The following MBTPS1 variants were observed in gnomAD, a reference collection of about 807,000 sequenced individuals.
MBTPS1 encodes membrane bound transcription factor peptidase, site 1, also known as membrane-bound transcription factor site-1 protease.
A neutral mutation model predicts 127.8 loss-of-function variants in MBTPS1; 94 were observed. The observed-to-expected ratio is 0.74, with a 90% CI of 0.62 to 0.87. The LOEUF is 0.87. Among genes scored for constraint, MBTPS1 ranks in the 40% least tolerant of loss-of-function variants. The pLI, the probability that MBTPS1 is intolerant of heterozygous loss-of-function variation, is 0.00. For missense variants in MBTPS1, 1,636 were observed against 1,353.2 expected (o/e 1.21, Z -3.28); for synonymous variants, 632 against 509.4 (o/e 1.24, Z -3.24).
At position 84,091,851 on chromosome 16, in the gene MBTPS1, A is replaced by C; in HGVS notation, c.847-3T>G. 6.6e-7 allele frequency: 1 copy of C among 1,512,202 alleles called. No individual in the cohort carries two copies. The highest frequency in any genetic ancestry group is 1.1e-5 in the South Asian group (1 of 88,984). The allele number at this position is 1,512,202 out of a possible 1,614,324, so 93.7% of individuals were successfully genotyped here. On this transcript the variant is annotated splice_region_variant and splice_polypyrimidine_tract_variant and intron_variant, in intron 6 of 22. Coordinates refer to ENST00000343411, the MANE Select transcript of MBTPS1 (RefSeq NM_003791.4). ...AAAAACCAAGATGTGTAAGATACCT[A>C]GTTAAATATTATAACAGTCTGCTTA...
At chr16:84,076,355 A>G (rs1385493972) in intron 11 of MBTPS1, among the ~76,000 whole-genome samples, 1 of 152,176 alleles carries the variant, frequency 6.6e-6, no homozygotes, top group Non-Finnish European at 1.5e-5. Flanking sequence ...GGAGAAATAC[A>G]AGAGGCATTT....
At chr16:84,114,068 G>A (rs986650850) in intron 1 of MBTPS1, among the ~76,000 whole-genome samples, 6 of 151,256 alleles carry the variant, frequency 4.0e-5, no homozygotes, top group Non-Finnish European at 7.4e-5. Context: ...GGGTTCAAGC[G>A]ATTCTCCTGC....
chr16:84,081,752 C>A lies in MBTPS1; in HGVS notation c.1443G>T (p.Gln481His). 1 of 1,392,060 alleles carries A rather than the reference C, an allele frequency of 7.2e-7. No homozygotes were observed. Among genetic ancestry groups the A allele is most frequent in the Non-Finnish European group, 9.4e-7 (1 of 1,061,610 alleles). 86.2% of individuals were successfully genotyped at this position (1,392,060 alleles called of 1,614,324 possible). A position where few individuals can be genotyped will look rare whatever the true frequency, so the allele number is the denominator to read the frequency against. Residue 481 changes from glutamine (Q) to histidine (H), a missense_variant, in exon 11 of 23, where the codon CAG becomes CAT. Coordinates refer to ENST00000343411, the MANE Select transcript of MBTPS1 (RefSeq NM_003791.4). Reference sequence around the variant, plus strand: ...CGGCAGGGCGGTGCACTGACCTTGCCTGTGGCTTGTAGCTGTTGAGGATCT... The same window carrying A: ...CGGCAGGGCGGTGCACTGACCTTGCATGTGGCTTGTAGCTGTTGAGGATCT... The part of the protein sequence containing the change: ...AYQILNSYKP[Q>H]ASLSPSYIDL...
chr16:84,069,622 G>C lies in MBTPS1; in HGVS notation c.1955+244C>G, dbSNP rs533380283. ...GTAAGACTGACAGCTTTGCTGACTG[G>C]CGCAATGGGAGAAGGAAGGAAAAGA... On this transcript the variant is annotated intron_variant, in intron 14 of 22. Coordinates refer to ENST00000343411, the MANE Select transcript of MBTPS1 (RefSeq NM_003791.4). Among the ~76,000 whole-genome samples the C allele has an allele frequency of 3.9e-5, 6 of 152,336 alleles. No homozygotes were observed. In the East Asian group the frequency reaches 5.8e-4, roughly 15 times the overall value.
chr16:84,094,440 C>T (rs1465888821), intron 4 of MBTPS1, among the ~76,000 whole-genome samples: 1 of 152,144 alleles, frequency 6.6e-6, no homozygotes, highest in Non-Finnish European at 1.5e-5. Flanking sequence ...TAAGTCTATT[C>T]CAGATACTGG....
chr16:84,055,957 C>G, intron 22 of MBTPS1, 48 bp downstream of exon 22: 1 of 1,585,508 alleles, frequency 6.3e-7, no homozygotes, highest in Non-Finnish European at 8.6e-7. Flanking sequence ...CTCCTTTGAA[C>G]AAAATACAGG....
chr16:84,077,348 T>C (rs1048555086), intron 11 of MBTPS1, among the ~76,000 whole-genome samples: 4 of 150,876 alleles, frequency 2.7e-5, no homozygotes, highest in African/African-American at 9.8e-5. Flanking sequence ...TATTAAAACA[T>C]GCTATAAAGT....
chr16:84,116,230 A>C (rs759419249), intron 1 of MBTPS1, among the ~76,000 whole-genome samples: 5 of 152,258 alleles, frequency 3.3e-5, no homozygotes, highest in African/African-American at 2.4e-5. Context: ...CAACGGTCTT[A>C]GGTAGCGCAA....
At chr16:84,078,041 G>T (rs915533840) in intron 11 of MBTPS1, among the ~76,000 whole-genome samples, 42 of 152,158 alleles carry the variant, frequency 2.8e-4, no homozygotes, top group African/African-American at 9.2e-4. Flanking sequence ...AATCAGATTT[G>T]TAAAAATAAC....
At chr16:84,087,153 T>C (rs968081339) in intron 9 of MBTPS1, among the ~76,000 whole-genome samples, 2 of 152,162 alleles carry the variant, frequency 1.3e-5, no homozygotes, top group Non-Finnish European at 2.9e-5. Flanking sequence ...GCTGTGGACT[T>C]GCCAGAGTGA....
At chr16:84,106,273 C>A (rs1286109922) in intron 1 of MBTPS1, among the ~76,000 whole-genome samples, 7 of 152,150 alleles carry the variant, frequency 4.6e-5, no homozygotes, top group Non-Finnish European at 8.8e-5. Flanking sequence ...CCAGCCTGGG[C>A]AACAAGAGCA....
At chr16:84,115,813 GC>G (rs1167399699) in intron 1 of MBTPS1, among the ~76,000 whole-genome samples, 2 of 152,126 alleles carry the variant, frequency 1.3e-5, no homozygotes, top group African/African-American at 4.8e-5. Flanking sequence ...TGGCTGTGCT[GC>G]TGTAAATTTA....
rs1567478606 is a variant in MBTPS1 at position 84,069,987 on chromosome 16, T to A, written c.1834A>T (p.Lys612Ter). The change falls in exon 14 of 23, where the codon AAG becomes TAG. Residue 612 changes from lysine to a stop codon, truncating the protein, a stop_gained. Coordinates refer to ENST00000343411, the MANE Select transcript of MBTPS1 (RefSeq NM_003791.4). LOFTEE classifies it high-confidence loss of function. ...TSTVKLPIKV[K>*]IIPTPPRSKR... is the part of the protein sequence containing the mutation. ...CTTCGCGGGGGAGTAGGAATTATCT[T>A]CACCTTAATGGGGAGCTTTACTGTT... The A allele has an allele frequency of 6.2e-7, 1 of 1,614,140 alleles. No individual in the cohort carries two copies. The highest frequency in any genetic ancestry group is 1.7e-5 in the Admixed American group (1 of 60,000).
rs559662170 is a variant in MBTPS1, at chr16:84,070,550, C to T, written c.1782+38G>A. ...TCCCTCCCTGAAAGGTGATGTCAAA[C>T]AGCTAAGAAAACAAGCCACTTTCCC... On this transcript the variant is annotated intron_variant, in intron 13 of 22. Coordinates refer to ENST00000343411, the MANE Select transcript of MBTPS1 (RefSeq NM_003791.4). The T allele has an allele frequency of 2.1e-4, 343 of 1,601,226 alleles. 2 individuals are homozygous for T. The South Asian group carries it at 3.6e-3, about 17-fold the overall frequency.
At position 84,074,581 on chromosome 16, in the gene MBTPS1, C is replaced by T. The variant is rs2085823431; in HGVS notation, c.1593+16G>A. On this transcript the variant is annotated intron_variant, in intron 12 of 22. Coordinates refer to ENST00000343411, the MANE Select transcript of MBTPS1 (RefSeq NM_003791.4). Reference sequence around the variant, plus strand: ...TTCACCATCAAGTCAGAGACCAAGTCAGAGAGAAGTTTCACCTTATCTACA... The same window carrying T: ...TTCACCATCAAGTCAGAGACCAAGTTAGAGAGAAGTTTCACCTTATCTACA... The T allele has an allele frequency of 1.9e-6, 3 of 1,611,276 alleles. No homozygotes were observed. The South Asian group carries it at 3.3e-5, about 18-fold the overall frequency.
At position 84,088,711 on chromosome 16, in the gene MBTPS1, C is replaced by T. The variant is rs192235877; in HGVS notation, c.1032-1251G>A. Among the ~76,000 whole-genome samples, 11 of 151,792 alleles carry T rather than the reference C, an allele frequency of 7.2e-5. No homozygotes were observed. The East Asian group carries it at 2.1e-3, about 29-fold the overall frequency. On this transcript the variant is annotated intron_variant, in intron 8 of 22. Coordinates refer to ENST00000343411, the MANE Select transcript of MBTPS1 (RefSeq NM_003791.4). ...CAGGACCCAGACAAAGAGACCACAGCAAAGGGGACCGGAGGATGTGTGCCT... is the reference window on the plus strand; with the variant it reads ...CAGGACCCAGACAAAGAGACCACAGTAAAGGGGACCGGAGGATGTGTGCCT...
chr16:84,060,833 G>C lies in MBTPS1; in HGVS notation c.2573-20C>G. 6.5e-7 allele frequency: 1 copy of C among 1,543,740 alleles called. No homozygotes were observed. Among genetic ancestry groups the C allele is most frequent in the Non-Finnish European group, 8.7e-7 (1 of 1,143,040 alleles). On this transcript the variant is annotated intron_variant, in intron 19 of 22. Transcript: ENST00000343411. ...AGCAGTCTGCGAAGTCAACAAGCCT[G>C]TTTAGGAATTCCTTTTTTTTTTTCC...
intron 11 of MBTPS1, among the ~76,000 whole-genome samples, chr16:84,077,787 A>G (rs1343090067): frequency 1.3e-5 from 2 of 152,216 alleles, no homozygotes; most frequent in Admixed American, 6.5e-5. Flanking sequence ...ACCTTACACT[A>G]AGTCAAAAGA....
rs1214817147 is a variant in MBTPS1 at position 84,093,452 on chromosome 16, G to A, written c.737-155C>T. Among the ~76,000 whole-genome samples, 9 of 152,240 alleles carry A rather than the reference G, an allele frequency of 5.9e-5. No individual in the cohort carries two copies. In the East Asian group the frequency reaches 1.7e-3, roughly 29 times the overall value. On this transcript the variant is annotated intron_variant, in intron 5 of 22. Coordinates refer to ENST00000343411, the MANE Select transcript of MBTPS1 (RefSeq NM_003791.4). The stretch of plus-strand genomic sequence containing the variant: ...CTCTACGATCCCCTTAGACGTCACT[G>A]GCACAAGCACCCCTTCCAGGTCTAG...
Sources: gnomAD v4.1 joint callset for allele counts (sites outside exome capture counted in the v4.1 genomes callset) on GRCh38, gnomAD v4.1.1 for gene constraint, MANE v1.5 for transcripts, NCBI Gene and HGNC (gene_info 2026-07-23, HGNC 2026-07-21) for gene names.